RARB: variants seen among roughly 807,000 people sequenced by gnomAD.
The protein encoded by RARB is HBV-activated protein.
In RARB, 17 loss-of-function variants were observed where a neutral mutation model predicts 51.9. The ratio of observed to expected loss-of-function variants is 0.33; its 90% confidence interval spans 0.22 to 0.49. The LOEUF is 0.49. RARB is among the 20% of genes least tolerant of loss of function. The pLI is 0.99. For synonymous variants in RARB, 215 were observed against 195.4 expected, an observed-to-expected ratio of 1.10 and a Z score of -0.84; for missense variants, 369 against 550.8, an observed-to-expected ratio of 0.67 and a Z score of 3.30.
At chr3:25,219,322 A>T (rs1038331292) in intron 5 of RARB, among the ~76,000 whole-genome samples, 1 of 152,100 alleles carries the variant, frequency 6.6e-6, no homozygotes, top group Non-Finnish European at 1.5e-5. Context: ...GGAAGTCTCA[A>T]CCTACCCTAT....
At chr3:24,942,976 G>A (rs1368265695) in intron 2 of RARB, among the ~76,000 whole-genome samples, 1 of 152,108 alleles carries the variant, frequency 6.6e-6, no homozygotes, top group Non-Finnish European at 1.5e-5. Flanking sequence ...TTTTGGAAAC[G>A]TCAATATTTG....
At chr3:25,078,534 A>ATTTTTTTTTT (rs56349106) in intron 3 of RARB, among the ~76,000 whole-genome samples, 1 of 141,292 alleles carries the variant, frequency 7.1e-6, no homozygotes. Flanking sequence ...CCAACTTTCT[A>ATTTTTTTTTT]TTTTTTTTTT....
intron 5 of RARB, among the ~76,000 whole-genome samples, chr3:25,271,964 G>A (rs1436069132): frequency 2.6e-5 from 4 of 152,120 alleles, no homozygotes; most frequent in African/African-American, 9.7e-5. Flanking sequence ...GAACTTCCTT[G>A]CATTGTGTGA....
intron 1 of RARB, among the ~76,000 whole-genome samples, chr3:25,436,585 G>A (rs985393526): frequency 1.4e-4 from 21 of 152,288 alleles, no homozygotes; most frequent in African/African-American, 4.8e-4. Context: ...AGGATGAACA[G>A]GTTTGGATTT....
At chr3:25,447,673 G>C (rs1196604288) in intron 1 of RARB, among the ~76,000 whole-genome samples, 1 of 152,178 alleles carries the variant, frequency 6.6e-6, no homozygotes, top group African/African-American at 2.4e-5. Flanking sequence ...TTTCTGAGGG[G>C]GCTAGGCAGC....
chr3:25,311,304 A>G (rs1371020068), intron 5 of RARB, among the ~76,000 whole-genome samples: 2 of 152,230 alleles, frequency 1.3e-5, no homozygotes, highest in Admixed American at 1.3e-4. Flanking sequence ...AGTGAAGACC[A>G]GATTCTGAAC....
intron 2 of RARB, among the ~76,000 whole-genome samples, chr3:25,017,534 A>G (rs1383205543): frequency 6.6e-6 from 1 of 152,200 alleles, no homozygotes; most frequent in Non-Finnish European, 1.5e-5. Context: ...AGGAAGCAGT[A>G]CACCTAATAA....
Position 25,201,791 on chromosome 3 carries a change from G to A in RARB, c.178+27216G>A, listed in dbSNP as rs575101025. 5.5e-4 allele frequency among the ~76,000 whole-genome samples: 84 copies of A among 152,192 alleles called. No individual in the cohort carries two copies. The East Asian group carries it at 8.3e-3, about 15-fold the overall frequency. ...TCCCAGGGATGAAGCCCACTTGATC[G>A]TGGTGGATAAGCTTTTTGATGTGCT... On this transcript the variant is annotated intron_variant, in intron 5 of 11. Coordinates refer to the RARB transcript ENST00000383772.
chr3:25,528,376 C>G (rs777979309), intron 3 of RARB, among the ~76,000 whole-genome samples: 4 of 152,084 alleles, frequency 2.6e-5, no homozygotes, highest in Non-Finnish European at 5.9e-5. Flanking sequence ...CTGTGAAACC[C>G]TGTTATAACA....
intron 2 of RARB, among the ~76,000 whole-genome samples, chr3:24,976,536 T>C (rs1204101225): frequency 1.3e-5 from 2 of 152,252 alleles, no homozygotes; most frequent in Non-Finnish European, 2.9e-5. Flanking sequence ...ATGAGCATTT[T>C]TTCATGTGTC....
chr3:24,943,350 G>A (rs536415973), intron 2 of RARB, among the ~76,000 whole-genome samples: 50 of 152,142 alleles, frequency 3.3e-4, no homozygotes, highest in African/African-American at 1.2e-3. Flanking sequence ...CCATTGCTAC[G>A]CTCTTGTTAT....
chr3:25,367,331 G>A (rs892584164), intron 5 of RARB, among the ~76,000 whole-genome samples: 2 of 152,178 alleles, frequency 1.3e-5, no homozygotes, highest in South Asian at 2.1e-4. Context: ...TTCTTCCCAT[G>A]TTCTTGTTCT....
At chr3:24,959,060 C>A (rs1447831353) in intron 2 of RARB, among the ~76,000 whole-genome samples, 3 of 152,194 alleles carry the variant, frequency 2.0e-5, no homozygotes, top group Non-Finnish European at 4.4e-5. Flanking sequence ...TACCAGCAAT[C>A]CCTGAAGCCC....
intron 3 of RARB, among the ~76,000 whole-genome samples, chr3:25,550,273 G>A (rs1263170842): frequency 6.6e-6 from 1 of 152,216 alleles, no homozygotes; most frequent in Non-Finnish European, 1.5e-5. Context: ...AAAGGAGTAT[G>A]TGTGTCTGCA....
intron 2 of RARB, among the ~76,000 whole-genome samples, chr3:25,056,993 A>C (rs1391221720): frequency 1.3e-5 from 2 of 151,988 alleles, no homozygotes; most frequent in Admixed American, 1.3e-4. Flanking sequence ...AGATGTTCAG[A>C]AGTTGTATTT....
intron 4 of RARB, among the ~76,000 whole-genome samples, chr3:25,147,676 A>G (rs1177310618): frequency 6.6e-6 from 1 of 152,186 alleles, no homozygotes; most frequent in Non-Finnish European, 1.5e-5. Context: ...AGTGATAGTA[A>G]CTATAAGCTG....
intron 4 of RARB, among the ~76,000 whole-genome samples, chr3:25,139,043 C>A (rs934202118): frequency 2.0e-5 from 3 of 152,096 alleles, no homozygotes; most frequent in African/African-American, 7.2e-5. Context: ...AAGAACCATG[C>A]CCATTTAAGA....
intron 3 of RARB, among the ~76,000 whole-genome samples, chr3:25,121,829 C>T (rs573476209): frequency 6.6e-6 from 1 of 152,064 alleles, no homozygotes; most frequent in Admixed American, 6.6e-5. Flanking sequence ...GAATAATAAC[C>T]TTGCAGGTAT....
At chr3:24,874,635 ATTTCT>A (rs113610748) in intron 2 of RARB, among the ~76,000 whole-genome samples, 8 of 151,684 alleles carry the variant, frequency 5.3e-5, no homozygotes, top group South Asian at 2.1e-4. Context: ...ATTTTGACTC[ATTTCT>A]TTTTCTATTT....
Sources: allele counts gnomAD v4.1 joint callset (sites outside exome capture counted in the v4.1 genomes callset), GRCh38; gene constraint gnomAD v4.1.1; transcripts MANE v1.5; gene names NCBI Gene and HGNC (gene_info 2026-07-23, HGNC 2026-07-21).